Variants in PTPRD observed in about 807,000 individuals in gnomAD.
The protein encoded by PTPRD is receptor-type tyrosine-protein phosphatase delta.
Under a neutral mutation model 214.5 loss-of-function variants are expected in PTPRD, and 34 were observed. The observed-to-expected ratio is 0.16, with a 90% CI of 0.12 to 0.21. The LOEUF is 0.21. PTPRD is among the 10% of genes least tolerant of loss of function. The pLI is 1.00. For missense variants in PTPRD, 2,545 were observed against 2,398.7 expected (o/e 1.06, Z -1.27); for synonymous variants, 1,128 against 845.7 (o/e 1.33, Z -5.79).
chr9:9,298,268 G>A (rs1217033533), intron 9 of PTPRD, among the ~76,000 whole-genome samples: 1 of 151,156 alleles, frequency 6.6e-6, no homozygotes, highest in African/African-American at 2.4e-5. Flanking sequence ...TATTTTTTTT[G>A]GTTCTCCATG....
chr9:10,149,481 A>G (rs2099045788), intron 3 of PTPRD, among the ~76,000 whole-genome samples: 1 of 152,136 alleles, frequency 6.6e-6, no homozygotes, highest in African/African-American at 2.4e-5. Flanking sequence ...CTTTAAATGA[A>G]TAGCAGATGG....
intron 8 of PTPRD, among the ~76,000 whole-genome samples, chr9:9,432,316 T>C (rs764648623): frequency 6.6e-6 from 1 of 152,074 alleles, no homozygotes; most frequent in Non-Finnish European, 1.5e-5. Context: ...ACAGTCTTAA[T>C]TGGCAGACTG....
At chr9:9,734,346 C>A (rs1246526247) in intron 7 of PTPRD, among the ~76,000 whole-genome samples, 187 bp downstream of exon 7, 1 of 152,000 alleles carries the variant, frequency 6.6e-6, no homozygotes. Flanking sequence ...CTGGACTTAT[C>A]ATATTGTCTA....
At chr9:9,909,777 T>A (rs1219238442) in intron 5 of PTPRD, among the ~76,000 whole-genome samples, 2 of 136,314 alleles carry the variant, frequency 1.5e-5, no homozygotes, top group Non-Finnish European at 3.1e-5. Context: ...GTGGATTGAA[T>A]GTTTTTTTTT....
At chr9:8,448,835 C>T (rs1009963989) in intron 34 of PTPRD, among the ~76,000 whole-genome samples, 1 of 152,152 alleles carries the variant, frequency 6.6e-6, no homozygotes, top group Non-Finnish European at 1.5e-5. Flanking sequence ...ATCCATATGG[C>T]ACAAAGAAAC....
At chr9:8,926,592 G>A (rs1189064017) in intron 11 of PTPRD, among the ~76,000 whole-genome samples, 5 of 152,136 alleles carry the variant, frequency 3.3e-5, no homozygotes, top group Non-Finnish European at 7.3e-5. Context: ...TTAAAGTCTG[G>A]AAAGGCTGGG....
chr9:8,961,146 T>A (rs2099156562), intron 11 of PTPRD, among the ~76,000 whole-genome samples: 1 of 152,044 alleles, frequency 6.6e-6, no homozygotes, highest in Non-Finnish European at 1.5e-5. Flanking sequence ...CTAAGTTGCC[T>A]AGGGGGACAG....
intron 4 of PTPRD, among the ~76,000 whole-genome samples, chr9:10,003,411 G>C (rs556735054): frequency 9.2e-5 from 14 of 151,786 alleles, no homozygotes; most frequent in African/African-American, 2.7e-4. Context: ...TTTGAAGTTG[G>C]GGGATATTAA....
At chr9:9,214,096 TCA>T (rs2099950585) in intron 9 of PTPRD, among the ~76,000 whole-genome samples, 1 of 152,194 alleles carries the variant, frequency 6.6e-6, no homozygotes, top group African/African-American at 2.4e-5. Context: ...GGAAGAATTC[TCA>T]TTCCCAAACC....
chr9:8,648,478 C>A (rs964846953), intron 12 of PTPRD, among the ~76,000 whole-genome samples: 4 of 152,166 alleles, frequency 2.6e-5, no homozygotes, highest in Admixed American at 2.6e-4. Flanking sequence ...GTCATTCTTA[C>A]CATTCCTTAT....
At position 10,333,507 on chromosome 9, in the gene PTPRD, T is replaced by C. The variant is rs149111390; in HGVS notation, c.-545+7456A>G. On this transcript the variant is annotated intron_variant, in intron 3 of 45. Coordinates refer to ENST00000381196, the MANE Select transcript of PTPRD (RefSeq NM_002839.4). Reference sequence around the variant, plus strand: ...GAAACAGATACCCTCAGCCATTTAATTGGCTGCCCTGAAGAAGTGGAATCT... The same window carrying C: ...GAAACAGATACCCTCAGCCATTTAACTGGCTGCCCTGAAGAAGTGGAATCT... Among the ~76,000 whole-genome samples the C allele has an allele frequency of 1.9e-3, 283 of 151,986 alleles. 1 individual carries two copies. The highest frequency in any genetic ancestry group is 0.017 in the Middle Eastern group (5 of 294).
intron 11 of PTPRD, among the ~76,000 whole-genome samples, chr9:8,885,465 C>A (rs903822242): frequency 7.1e-6 from 1 of 141,766 alleles, no homozygotes; most frequent in East Asian, 2.1e-4. Flanking sequence ...ATACATGTGT[C>A]TTTCCATTAT....
chr9:8,804,163 G>A (rs1051213930), intron 11 of PTPRD, among the ~76,000 whole-genome samples: 12 of 151,952 alleles, frequency 7.9e-5, no homozygotes, highest in African/African-American at 1.9e-4. Context: ...ATGTTGGTCC[G>A]TCTGGTCTCG....
At chr9:8,836,199 G>A (rs571189977) in intron 11 of PTPRD, among the ~76,000 whole-genome samples, 1 of 152,132 alleles carries the variant, frequency 6.6e-6, no homozygotes, top group Non-Finnish European at 1.5e-5. Flanking sequence ...ACCAAAGTTA[G>A]TGACCTTGAA....
At chr9:9,736,430 C>A (rs962632456) in intron 6 of PTPRD, among the ~76,000 whole-genome samples, 1 of 152,018 alleles carries the variant, frequency 6.6e-6, no homozygotes, top group African/African-American at 2.4e-5. Flanking sequence ...CATATTCAAT[C>A]CACTATTGGC....
At chr9:9,019,336 G>GAAAGAAAGAAAGAAAGAAAGAA (rs1303079498) in intron 10 of PTPRD, among the ~76,000 whole-genome samples, 1 of 18,802 alleles carries the variant, frequency 5.3e-5, no homozygotes, top group African/African-American at 1.3e-4. Flanking sequence ...AAGAAAGAAA[G>GAAAGAAAGAAAGAAAGAAAGAA]AACGAAAGAA....
intron 4 of PTPRD, among the ~76,000 whole-genome samples, chr9:10,022,948 T>C (rs1267151367): frequency 6.6e-6 from 1 of 152,228 alleles, no homozygotes; most frequent in Non-Finnish European, 1.5e-5. Context: ...CATCTTATAC[T>C]GGCTTTATAT....
At chr9:8,550,926 T>C (rs1376716665) in intron 14 of PTPRD, among the ~76,000 whole-genome samples, 3 of 152,228 alleles carry the variant, frequency 2.0e-5, no homozygotes, top group African/African-American at 7.2e-5. Context: ...TCTTCGACAG[T>C]GAGCTTATGC....
At chr9:9,078,301 T>C (rs2099754030) in intron 10 of PTPRD, among the ~76,000 whole-genome samples, 1 of 152,122 alleles carries the variant, frequency 6.6e-6, no homozygotes, top group African/African-American at 2.4e-5. Flanking sequence ...AATTTCTGAG[T>C]TCTGCTGAAA....
Sources: gnomAD v4.1 joint callset for allele counts (sites outside exome capture counted in the v4.1 genomes callset) on GRCh38, gnomAD v4.1.1 for gene constraint, MANE v1.5 for transcripts, NCBI Gene and HGNC (gene_info 2026-07-23, HGNC 2026-07-21) for gene names.